The following BMPER variants were observed in gnomAD, a reference collection of about 807,000 sequenced individuals.
BMPER encodes the protein BMP binding endothelial regulator.
Under a neutral mutation model 87.3 loss-of-function variants are expected in BMPER, and 45 were observed. The observed-to-expected ratio is 0.52, with a 90% CI of 0.41 to 0.66. The LOEUF is 0.66. Among genes scored for constraint, BMPER ranks in the 30% least tolerant of loss-of-function variants. The probability of loss-of-function intolerance (pLI) is 0.00; values close to 1 mark genes in which losing one functional copy is unlikely to be tolerated. For synonymous variants in BMPER, 326 were observed against 316.2 expected (o/e 1.03, Z -0.33); for missense variants, 784 against 867.5 (o/e 0.90, Z 1.21).
intron 6 of BMPER, among the ~76,000 whole-genome samples, chr7:34,022,275 C>A (rs1239150071): frequency 6.6e-6 from 1 of 151,992 alleles, no homozygotes; most frequent in African/African-American, 2.4e-5. Context: ...GCTGGTGATG[C>A]TCTGCAGGGG....
At chr7:34,075,536 C>T (rs1185330691) in intron 11 of BMPER, among the ~76,000 whole-genome samples, 1 of 152,202 alleles carries the variant, frequency 6.6e-6, no homozygotes, top group Non-Finnish European at 1.5e-5. Flanking sequence ...ATTTGACCTA[C>T]AGGACTATGC....
At chr7:33,911,630 A>G (rs1277761924) in intron 2 of BMPER, among the ~76,000 whole-genome samples, 2 of 152,312 alleles carry the variant, frequency 1.3e-5, no homozygotes, top group Admixed American at 6.5e-5. Context: ...GACATCAGAC[A>G]GTCTTGGGTT....
chr7:33,970,316 T>A lies in BMPER; in HGVS notation c.403-13T>A, dbSNP rs199684961. ...TTCTGGGCTGACTTTGCTTGTTTTG[T>A]TCTGTGTTTCAGGAGGGCGTTGTCA... On this transcript the variant is annotated splice_polypyrimidine_tract_variant and intron_variant, in intron 4 of 14. Coordinates refer to ENST00000649409, the MANE Select transcript of BMPER (RefSeq NM_001365308.1). 6.8e-5 allele frequency: 110 copies of A among 1,612,012 alleles called. No individual in the cohort carries two copies. Among genetic ancestry groups the A allele is most frequent in the Admixed American group, 1.2e-4 (7 of 60,020 alleles).
intron 2 of BMPER, among the ~76,000 whole-genome samples, chr7:33,916,789 C>T (rs1562628372): frequency 6.6e-6 from 1 of 152,156 alleles, no homozygotes; most frequent in Admixed American, 6.5e-5. Context: ...GCAAGAGGTC[C>T]ACAACCTTGG....
chr7:33,956,607 C>G (rs1785153171), intron 3 of BMPER, among the ~76,000 whole-genome samples: 1 of 152,078 alleles, frequency 6.6e-6, no homozygotes, highest in Non-Finnish European at 1.5e-5. Context: ...TCTTCCACCC[C>G]TGAGACAGCA....
intron 3 of BMPER, among the ~76,000 whole-genome samples, chr7:33,962,277 G>A (rs1263115739): frequency 6.6e-6 from 1 of 151,958 alleles, no homozygotes; most frequent in Non-Finnish European, 1.5e-5. Context: ...ATGAATGTTA[G>A]GACAAATACT....
At chr7:34,105,774 T>G (rs1789802754) in intron 13 of BMPER, among the ~76,000 whole-genome samples, 1 of 152,204 alleles carries the variant, frequency 6.6e-6, no homozygotes, top group Non-Finnish European at 1.5e-5. Context: ...GGGACACGTC[T>G]TCTTTCAAAC....
intron 13 of BMPER, among the ~76,000 whole-genome samples, chr7:34,104,852 G>A (rs1789778690): frequency 6.6e-6 from 1 of 152,150 alleles, no homozygotes; most frequent in Admixed American, 6.5e-5. Flanking sequence ...CTGACAGATG[G>A]GTGTGAAATG....
intron 14 of BMPER, among the ~76,000 whole-genome samples, chr7:34,147,401 A>C (rs781255486): frequency 2.0e-5 from 3 of 152,226 alleles, no homozygotes; most frequent in Non-Finnish European, 4.4e-5. Flanking sequence ...TTTCACCTAT[A>C]GCGGTTTTAA....
chr7:33,907,032 A>G (rs1471944433), intron 2 of BMPER, 129 bp downstream of exon 2: 3 of 879,126 alleles, frequency 3.4e-6, no homozygotes, highest in African/African-American at 1.7e-5. Flanking sequence ...AACTGTACAT[A>G]GTTTGTGAGT....
In BMPER at chr7:34,051,934, A is replaced by G. The variant is rs950256798; in HGVS notation, c.750A>G (p.Ser250=). Residue 250 remains serine (S), a synonymous_variant, in exon 8 of 15, where the codon TCA becomes TCG. Coordinates refer to ENST00000649409, the MANE Select transcript of BMPER (RefSeq NM_001365308.1). ...GTGATGTTTATGACAATGGATCCTC[A>G]TTTCTGTACGATAACTGCACAGCTT... The part of the protein sequence containing the change: ...FRSDVYDNGS[S]FLYDNCTACT... 6 of 1,613,902 alleles carry G rather than the reference A, an allele frequency of 3.7e-6. No homozygotes were observed. The highest frequency in any genetic ancestry group is 1.3e-5 in the African/African-American group (1 of 74,916).
chr7:34,118,387 A>G (rs938215210), intron 13 of BMPER, among the ~76,000 whole-genome samples: 3 of 152,192 alleles, frequency 2.0e-5, no homozygotes, highest in African/African-American at 7.2e-5. Flanking sequence ...TATGTATGAT[A>G]CTGTTCATTT....
At chr7:34,010,634 G>T (rs1786851931) in intron 6 of BMPER, among the ~76,000 whole-genome samples, 1 of 151,856 alleles carries the variant, frequency 6.6e-6, no homozygotes, top group South Asian at 2.1e-4. Flanking sequence ...ATTGTCACAA[G>T]TATCCACTGA....
At chr7:33,919,713 G>C (rs1295072239) in intron 2 of BMPER, among the ~76,000 whole-genome samples, 3 of 152,186 alleles carry the variant, frequency 2.0e-5, no homozygotes, top group Non-Finnish European at 4.4e-5. Flanking sequence ...TGCAAGACAG[G>C]AGCAATGCTT....
intron 2 of BMPER, among the ~76,000 whole-genome samples, chr7:33,929,207 AG>A: frequency 6.6e-6 from 1 of 152,288 alleles, no homozygotes; most frequent in South Asian, 2.1e-4. Flanking sequence ...GGAGGGAAAA[AG>A]AATAACACTC....
At chr7:34,053,744 T>A (rs1257738673) in intron 8 of BMPER, among the ~76,000 whole-genome samples, 2 of 152,128 alleles carry the variant, frequency 1.3e-5, no homozygotes, top group Non-Finnish European at 2.9e-5. Context: ...GGGGTTGGTC[T>A]TGTCTCAGGG....
chr7:34,058,732 C>T (rs192984826), intron 10 of BMPER, among the ~76,000 whole-genome samples: 1 of 152,168 alleles, frequency 6.6e-6, no homozygotes, highest in Non-Finnish European at 1.5e-5. Flanking sequence ...AATAAAGCAA[C>T]CATTATCTTC....
At chr7:33,947,426 A>G (rs1784915460) in intron 3 of BMPER, among the ~76,000 whole-genome samples, 1 of 152,004 alleles carries the variant, frequency 6.6e-6, no homozygotes, top group Admixed American at 6.5e-5. Flanking sequence ...TCATTTGTCA[A>G]GTGGGGTTTA....
chr7:34,043,448 TCAG>T (rs1787882192), intron 6 of BMPER, among the ~76,000 whole-genome samples: 1 of 152,214 alleles, frequency 6.6e-6, no homozygotes, highest in African/African-American at 2.4e-5. Context: ...TGGCTAGCAT[TCAG>T]TCATATGGGC....
Sources: allele counts gnomAD v4.1 joint callset (sites outside exome capture counted in the v4.1 genomes callset), GRCh38; gene constraint gnomAD v4.1.1; transcripts MANE v1.5; gene names NCBI Gene and HGNC (gene_info 2026-07-23, HGNC 2026-07-21).